SLC23A2: variants seen among roughly 807,000 people sequenced by gnomAD.
SLC23A2 encodes the protein solute carrier family 23 member 2.
A neutral mutation model predicts 73.3 loss-of-function variants in SLC23A2; 36 were observed. The observed-to-expected ratio is 0.49, with a 90% CI of 0.38 to 0.65. The LOEUF (loss-of-function observed/expected upper bound fraction) is 0.65. Ranked by LOEUF, SLC23A2 falls within the 30% of genes least tolerant of loss-of-function variation. The pLI, the probability that SLC23A2 is intolerant of heterozygous loss-of-function variation, is 0.00. For synonymous variants in SLC23A2, 343 were observed against 327.3 expected, an observed-to-expected ratio of 1.05 and a Z score of -0.52; for missense variants, 507 against 841.6, an observed-to-expected ratio of 0.60 and a Z score of 4.92.
intron 5 of SLC23A2, among the ~76,000 whole-genome samples, chr20:4,900,993 G>A (rs1420692270): frequency 6.6e-6 from 1 of 152,146 alleles, no homozygotes; most frequent in Non-Finnish European, 1.5e-5. Context: ...ACAACTTTAT[G>A]TACTCTGAAT....
intron 1 of SLC23A2, among the ~76,000 whole-genome samples, chr20:4,984,338 A>G (rs2087785603): frequency 6.6e-6 from 1 of 150,390 alleles, no homozygotes; most frequent in African/African-American, 2.4e-5. Context: ...GTGGATCACA[A>G]GGTCAGGAGA....
chr20:5,003,603 C>T (rs1362838873), upstream of SLC23A2, among the ~76,000 whole-genome samples: 2 of 151,792 alleles, frequency 1.3e-5, no homozygotes, highest in Admixed American at 1.3e-4. Context: ...AGGGTCAAGA[C>T]CCCCTGAGCT....
At chr20:4,879,987 T>C (rs1930819280) in intron 9 of SLC23A2, among the ~76,000 whole-genome samples, 1 of 152,206 alleles carries the variant, frequency 6.6e-6, no homozygotes, top group African/African-American at 2.4e-5. Context: ...AGTCTTACAG[T>C]AGAGAATGAT....
At chr20:4,882,467 A>C (rs1930927728) in intron 9 of SLC23A2, among the ~76,000 whole-genome samples, 1 of 152,076 alleles carries the variant, frequency 6.6e-6, no homozygotes, top group Non-Finnish European at 1.5e-5. Context: ...AGAAAAAAAA[A>C]AACTTGATAT....
intron 2 of SLC23A2, among the ~76,000 whole-genome samples, chr20:4,949,237 G>A (rs1448678862): frequency 8.2e-5 from 12 of 147,222 alleles, no homozygotes; most frequent in Admixed American, 2.8e-4. Flanking sequence ...GCAGTGAGCC[G>A]AGATCGCACC....
intron 3 of SLC23A2, among the ~76,000 whole-genome samples, chr20:4,931,936 C>T (rs546749183): frequency 4.6e-5 from 7 of 152,316 alleles, no homozygotes; most frequent in African/African-American, 1.7e-4. Flanking sequence ...AAGTCATCGT[C>T]CTACATCTGG....
chr20:4,879,812 G>A (rs1930810477), intron 9 of SLC23A2, among the ~76,000 whole-genome samples: 1 of 152,206 alleles, frequency 6.6e-6, no homozygotes. Flanking sequence ...GTTATCTGTA[G>A]CAGCATCTTC....
intron 16 of SLC23A2, among the ~76,000 whole-genome samples, chr20:4,858,920 C>T (rs1025568769): frequency 3.9e-5 from 6 of 152,238 alleles, no homozygotes; most frequent in South Asian, 2.1e-4. Flanking sequence ...AGAAGTGCCA[C>T]GGGCTGTGCC....
At chr20:5,004,947 C>G (rs541010919), upstream of SLC23A2, among the ~76,000 whole-genome samples, 11 of 151,058 alleles carry the variant, frequency 7.3e-5, no homozygotes, top group Non-Finnish European at 1.5e-4. Context: ...TGCGGTGAGC[C>G]GAGATTGTGC....
chr20:4,889,623 G>T (rs576751851), intron 6 of SLC23A2, among the ~76,000 whole-genome samples: 2 of 151,064 alleles, frequency 1.3e-5, no homozygotes, highest in South Asian at 2.1e-4. Context: ...TCAGATCTCC[G>T]CCTGTGTCCA....
rs1491487518 is a variant in SLC23A2 at position 4,992,502 on chromosome 20, AGT to A, written c.-282+8902_-282+8903del. Among the ~76,000 whole-genome samples, 168 of 107,832 alleles carry A rather than the reference AGT, an allele frequency of 1.6e-3. 5 individuals carry two copies. The South Asian group carries it at 0.017, about 11-fold the overall frequency. 70.7% of individuals were successfully genotyped at this position (107,832 alleles called of 152,430 possible). A position where few individuals can be genotyped will look rare whatever the true frequency, so the allele number is the denominator to read the frequency against. Reference sequence around the variant, plus strand: ...CCATGGGAAATAAAAAAAGATTGACAGTTTTTTTTTTTTTTTTTTTTTGGAGA... The same window carrying A: ...CCATGGGAAATAAAAAAAGATTGACATTTTTTTTTTTTTTTTTTTTGGAGA... On this transcript the variant is annotated intron_variant, in intron 1 of 16. Transcript: ENST00000338244.
At chr20:4,874,733 G>A in intron 9 of SLC23A2, 37 bp from the exon 10 acceptor site, 1 of 1,535,848 alleles carries the variant, frequency 6.5e-7, no homozygotes, top group Middle Eastern at 1.8e-4. Context: ...GTCAAAAGCT[G>A]TTATGTCTCT....
intron 16 of SLC23A2, 77 bp downstream of exon 16, chr20:4,859,212 T>C (rs1929857169): frequency 1.1e-6 from 1 of 887,784 alleles, no homozygotes; most frequent in Non-Finnish European, 1.9e-6. Context: ...CCGTTTTCCA[T>C]TTCTATTTGG....
intron 1 of SLC23A2, among the ~76,000 whole-genome samples, chr20:4,982,642 G>A (rs982736464): frequency 2.6e-5 from 4 of 151,942 alleles, no homozygotes; most frequent in African/African-American, 9.7e-5. Context: ...AAGACAGTGT[G>A]GTATAAGTAC....
chr20:4,864,648 G>T (rs1342526362), intron 13 of SLC23A2, among the ~76,000 whole-genome samples: 1 of 152,208 alleles, frequency 6.6e-6, no homozygotes, highest in Non-Finnish European at 1.5e-5. Flanking sequence ...ACTGGGACAG[G>T]TGAATGCAAA....
chr20:4,861,790 G>A (rs1353042182), intron 15 of SLC23A2, among the ~76,000 whole-genome samples, 158 bp downstream of exon 15: 3 of 152,180 alleles, frequency 2.0e-5, no homozygotes, highest in Admixed American at 6.5e-5. Context: ...AGCGCTTCCA[G>A]GTAAGTATTG....
At chr20:4,957,885 A>T (rs1441634777) in intron 2 of SLC23A2, among the ~76,000 whole-genome samples, 1 of 146,526 alleles carries the variant, frequency 6.8e-6, no homozygotes, top group African/African-American at 2.6e-5. Flanking sequence ...TGGGCAACAG[A>T]GTGAGACTCC....
At chr20:4,958,559 CT>C (rs535555607) in intron 2 of SLC23A2, among the ~76,000 whole-genome samples, 5 of 149,186 alleles carry the variant, frequency 3.4e-5, no homozygotes, top group Admixed American at 6.7e-5. Context: ...GTTTATTTAT[CT>C]TTTTTTTTTG....
intron 1 of SLC23A2, among the ~76,000 whole-genome samples, chr20:4,984,472 G>C (rs2087788928): frequency 1.3e-5 from 2 of 150,952 alleles, no homozygotes; most frequent in African/African-American, 4.9e-5. Flanking sequence ...AGAATGGCAT[G>C]AACCTGGCAG....
Sources: allele counts gnomAD v4.1 joint callset (sites outside exome capture counted in the v4.1 genomes callset), GRCh38; gene constraint gnomAD v4.1.1; transcripts MANE v1.5; gene names NCBI Gene and HGNC (gene_info 2026-07-23, HGNC 2026-07-21).